The following DOCK3 variants were observed in gnomAD, a reference collection of about 807,000 sequenced individuals.
DOCK3 encodes dedicator of cytokinesis protein 3.
In DOCK3, 60 loss-of-function variants were observed where a neutral mutation model predicts 265.6. That is an observed-to-expected ratio of 0.23 (90% CI 0.18 to 0.28). DOCK3 has a LOEUF of 0.28. DOCK3 is among the 10% of genes least tolerant of loss of function. The pLI, the probability that DOCK3 is intolerant of heterozygous loss-of-function variation, is 1.00. For synonymous variants in DOCK3, 881 were observed against 938.0 expected, an observed-to-expected ratio of 0.94 and a Z score of 1.11; for missense variants, 1,981 against 2,594.3, an observed-to-expected ratio of 0.76 and a Z score of 5.14.
intron 5 of DOCK3, among the ~76,000 whole-genome samples, chr3:50,938,371 G>A (rs1235805365): frequency 1.3e-5 from 2 of 152,084 alleles, no homozygotes; most frequent in African/African-American, 4.8e-5. Flanking sequence ...ATAACCACTA[G>A]GCAATAGTCA....
intron 23 of DOCK3, among the ~76,000 whole-genome samples, chr3:51,263,776 A>T (rs547283577): frequency 6.6e-6 from 1 of 152,232 alleles, no homozygotes; most frequent in Non-Finnish European, 1.5e-5. Flanking sequence ...CAATCCTAGT[A>T]TCTGATAAAA....
intron 12 of DOCK3, among the ~76,000 whole-genome samples, chr3:51,199,383 T>A (rs564570483): frequency 6.6e-6 from 1 of 152,312 alleles, no homozygotes; most frequent in Non-Finnish European, 1.5e-5. Context: ...ATCAGGAGAT[T>A]ATATCCTGCA....
intron 9 of DOCK3, among the ~76,000 whole-genome samples, chr3:51,133,146 C>T (rs1468954166): frequency 1.3e-5 from 2 of 152,018 alleles, no homozygotes; most frequent in African/African-American, 4.8e-5. Flanking sequence ...GCACTACACT[C>T]GAAAAGAACT....
chr3:50,880,504 C>A (rs866141283), intron 3 of DOCK3: 1 of 192,834 alleles, frequency 5.2e-6, no homozygotes, highest in Non-Finnish European at 1.1e-5. Context: ...AACACCTCTA[C>A]GCAAATGAGC....
At chr3:51,295,328 G>C (rs1467741173) in intron 27 of DOCK3, among the ~76,000 whole-genome samples, 1 of 152,186 alleles carries the variant, frequency 6.6e-6, no homozygotes, top group African/African-American at 2.4e-5. Flanking sequence ...AGAGGGGGAA[G>C]GTGCCAGGCT....
At chr3:50,744,521 A>G (rs1203028989) in intron 1 of DOCK3, among the ~76,000 whole-genome samples, 1 of 151,838 alleles carries the variant, frequency 6.6e-6, no homozygotes, top group Non-Finnish European at 1.5e-5. Context: ...TGCAGCCTCA[A>G]CATCCCAAGC....
intron 27 of DOCK3, among the ~76,000 whole-genome samples, chr3:51,285,382 A>G (rs548929298): frequency 7.2e-5 from 11 of 152,224 alleles, no homozygotes; most frequent in African/African-American, 2.2e-4. Context: ...TCATCCAACA[A>G]GGAATTCAAA....
chr3:50,806,603 G>A (rs1191065101), intron 2 of DOCK3, among the ~76,000 whole-genome samples: 1 of 151,894 alleles, frequency 6.6e-6, no homozygotes, highest in African/African-American at 2.4e-5. Context: ...GGCTGAAAGT[G>A]TAGCAGCGGG....
chr3:50,867,602 C>T (rs913180293), intron 3 of DOCK3, among the ~76,000 whole-genome samples: 2 of 66,828 alleles, frequency 3.0e-5, no homozygotes, highest in African/African-American at 6.5e-5. Flanking sequence ...TTCCTAGTTA[C>T]CTGTTTTTTT....
At chr3:50,716,284 T>A (rs1242805380) in intron 1 of DOCK3, among the ~76,000 whole-genome samples, 1 of 152,056 alleles carries the variant, frequency 6.6e-6, no homozygotes, top group African/African-American at 2.4e-5. Context: ...TCCCAGCACT[T>A]TGGGAGGCTG....
intron 27 of DOCK3, among the ~76,000 whole-genome samples, chr3:51,292,072 C>T (rs886510534): frequency 1.1e-4 from 5 of 47,352 alleles, no homozygotes; most frequent in Admixed American, 4.8e-4. Context: ...CAACAAATTA[C>T]ATATAGAAAG....
At chr3:50,852,619 CAT>C (rs1429411376) in intron 3 of DOCK3, among the ~76,000 whole-genome samples, 1 of 152,050 alleles carries the variant, frequency 6.6e-6, no homozygotes, top group African/African-American at 2.4e-5. Flanking sequence ...TGATAATTCT[CAT>C]TTATTTCAGA....
At chr3:51,071,257 C>T (rs1316467855) in intron 6 of DOCK3, among the ~76,000 whole-genome samples, 2 of 152,142 alleles carry the variant, frequency 1.3e-5, no homozygotes, top group Non-Finnish European at 2.9e-5. Context: ...ATGAGCTTAG[C>T]ACAGAATAGG....
At chr3:50,890,939 CCTACA>C (rs1165955084) in intron 4 of DOCK3, among the ~76,000 whole-genome samples, 5 of 151,954 alleles carry the variant, frequency 3.3e-5, no homozygotes, top group Admixed American at 2.6e-4. Context: ...CATAAAGTGG[CCTACA>C]CGTTAATAAT....
chr3:51,318,692 A>G (rs1182993970), intron 32 of DOCK3, among the ~76,000 whole-genome samples: 1 of 151,750 alleles, frequency 6.6e-6, no homozygotes, highest in East Asian at 1.9e-4. Flanking sequence ...AGGGAGTAAA[A>G]CTTACGTTTA....
intron 14 of DOCK3, among the ~76,000 whole-genome samples, chr3:51,217,234 G>C (rs1411452222): frequency 2.0e-5 from 3 of 151,990 alleles, no homozygotes; most frequent in Non-Finnish European, 4.4e-5. Flanking sequence ...GTTCAGACAG[G>C]CTCTAGCCAC....
chr3:51,076,979 A>T (rs761672231), intron 7 of DOCK3, among the ~76,000 whole-genome samples: 1 of 152,168 alleles, frequency 6.6e-6, no homozygotes, highest in South Asian at 2.1e-4. Flanking sequence ...ATTAGAGTCT[A>T]TCGAGTAGTC....
intron 9 of DOCK3, among the ~76,000 whole-genome samples, chr3:51,106,191 A>C (rs1157935323): frequency 6.6e-6 from 1 of 152,140 alleles, no homozygotes. Context: ...CATGAGATAG[A>C]GCCGGGTCAG....
At chr3:50,838,042 T>C (rs984576994) in intron 2 of DOCK3, among the ~76,000 whole-genome samples, 3 of 152,192 alleles carry the variant, frequency 2.0e-5, no homozygotes, top group Non-Finnish European at 2.9e-5. Flanking sequence ...AGTTAAACTT[T>C]TCTTTTGGAA....
Sources: gnomAD v4.1 joint callset for allele counts (sites outside exome capture counted in the v4.1 genomes callset) on GRCh38, gnomAD v4.1.1 for gene constraint, MANE v1.5 for transcripts, NCBI Gene and HGNC (gene_info 2026-07-23, HGNC 2026-07-21) for gene names.